Variants in STPG2 observed in about 807,000 individuals in gnomAD.
STPG2 encodes sperm tail PG-rich repeat containing 2, also known as sperm-tail PG-rich repeat-containing protein 2.
A neutral mutation model predicts 54.2 loss-of-function variants in STPG2; 56 were observed. The observed-to-expected ratio is 1.03, with a 90% CI of 0.83 to 1.29. The LOEUF (loss-of-function observed/expected upper bound fraction) is 1.29. STPG2 is among the 50% of genes most tolerant of loss of function. STPG2 has a pLI of 0.00. For missense variants in STPG2, 596 were observed against 544.9 expected (o/e 1.09, Z -0.93); for synonymous variants, 200 against 181.8 (o/e 1.10, Z -0.81).
At chr4:97,503,648 T>C (rs1489956498) in intron 4 of STPG2, among the ~76,000 whole-genome samples, 1 of 151,340 alleles carries the variant, frequency 6.6e-6, no homozygotes, top group Non-Finnish European at 1.5e-5. Context: ...CTATAAATTA[T>C]AATGCAAATA....
intron 4 of STPG2, among the ~76,000 whole-genome samples, chr4:97,504,413 T>C (rs1730802501): frequency 6.6e-6 from 1 of 151,496 alleles, no homozygotes; most frequent in Non-Finnish European, 1.5e-5. Flanking sequence ...TTAAATAAAC[T>C]TTATAGAACT....
At chr4:97,829,345 C>A (rs995955136) in intron 9 of STPG2, among the ~76,000 whole-genome samples, 4 of 152,112 alleles carry the variant, frequency 2.6e-5, no homozygotes, top group Non-Finnish European at 4.4e-5. Context: ...AAAAGGACAT[C>A]TACTCAGAGA....
intron 5 of STPG2, among the ~76,000 whole-genome samples, chr4:98,023,653 A>G (rs1035565320): frequency 2.6e-5 from 4 of 152,280 alleles, no homozygotes; most frequent in South Asian, 2.1e-4. Context: ...AGAGGCAGGC[A>G]GGCCTCCTTG....
intron 7 of STPG2, among the ~76,000 whole-genome samples, chr4:97,964,407 G>C (rs956260242): frequency 6.6e-6 from 1 of 152,130 alleles, no homozygotes; most frequent in Admixed American, 6.5e-5. Flanking sequence ...CCTTAAAAAG[G>C]AGGTGCAAGC....
intron 8 of STPG2, among the ~76,000 whole-genome samples, chr4:97,869,434 G>T (rs1729903851): frequency 6.6e-6 from 1 of 151,600 alleles, no homozygotes; most frequent in Non-Finnish European, 1.5e-5. Context: ...ATATTTTGGT[G>T]CATTTTTAAA....
intron 4 of STPG2, among the ~76,000 whole-genome samples, chr4:97,486,930 A>G (rs1730380553): frequency 6.6e-6 from 1 of 150,610 alleles, no homozygotes; most frequent in South Asian, 2.1e-4. Flanking sequence ...AAAAGAATGA[A>G]TTAACGCATT....
intron 5 of STPG2, among the ~76,000 whole-genome samples, chr4:97,999,589 C>T (rs1263628231): frequency 6.6e-6 from 1 of 152,054 alleles, no homozygotes; most frequent in Non-Finnish European, 1.5e-5. Flanking sequence ...ATTCCAGTTA[C>T]TCGGGAGGCT....
chr4:97,711,449 C>T (rs1031106900), intron 10 of STPG2, among the ~76,000 whole-genome samples: 24 of 152,024 alleles, frequency 1.6e-4, no homozygotes, highest in African/African-American at 4.3e-4. Flanking sequence ...CTTCCACCTT[C>T]GAAAATAGTA....
At chr4:97,559,881 G>A (rs1732179550) in intron 10 of STPG2, among the ~76,000 whole-genome samples, 2 of 152,192 alleles carry the variant, frequency 1.3e-5, no homozygotes, top group East Asian at 1.9e-4. Flanking sequence ...TAAATATATA[G>A]TAAGAGCCTA....
At chr4:97,981,019 T>A in intron 6 of STPG2, 140 bp downstream of exon 6, 1 of 778,458 alleles carries the variant, frequency 1.3e-6, no homozygotes, top group Non-Finnish European at 2.0e-6. Flanking sequence ...GTATAGTGAA[T>A]GCTTTAAAAA....
At chr4:97,773,994 G>GGTGTGTGTGTGTGTGTGT (rs34968031) in intron 9 of STPG2, among the ~76,000 whole-genome samples, 1 of 147,252 alleles carries the variant, frequency 6.8e-6, no homozygotes, top group Non-Finnish European at 1.5e-5. Context: ...TAAAATATAG[G>GGTGTGTGTGTGTGTGTGT]GTGTGTGTGT....
chr4:97,968,054 A>T (rs1303601584), intron 7 of STPG2, among the ~76,000 whole-genome samples: 1 of 152,184 alleles, frequency 6.6e-6, no homozygotes, highest in Non-Finnish European at 1.5e-5. Flanking sequence ...ACCTTCAAAA[A>T]ATCAATGAAT....
chr4:97,840,368 G>A (rs974530242), intron 9 of STPG2, among the ~76,000 whole-genome samples: 1 of 151,272 alleles, frequency 6.6e-6, no homozygotes, highest in South Asian at 2.1e-4. Flanking sequence ...GTAAAATTAA[G>A]AGACATAACC....
intron 5 of STPG2, among the ~76,000 whole-genome samples, chr4:98,061,380 C>T (rs34509663): frequency 0.27 from 41,626 of 151,982 alleles, 5,977 homozygotes; most frequent in Middle Eastern, 0.36. Flanking sequence ...ATCTTCTTCA[C>T]ACTGCAGAGC....
chr4:98,113,726 C>G (rs1415625543), intron 3 of STPG2, among the ~76,000 whole-genome samples: 1 of 151,940 alleles, frequency 6.6e-6, no homozygotes, highest in Non-Finnish European at 1.5e-5. Flanking sequence ...ATTTGATACA[C>G]AATTCCAAAG....
At chr4:98,139,525 G>A (rs1447545834) in intron 1 of STPG2, among the ~76,000 whole-genome samples, 1 of 152,132 alleles carries the variant, frequency 6.6e-6, no homozygotes, top group Non-Finnish European at 1.5e-5. Flanking sequence ...ATAGTCCAAC[G>A]TGTTACTGGT....
chr4:97,679,572 AG>A (rs1182261957), intron 10 of STPG2, among the ~76,000 whole-genome samples: 2 of 151,760 alleles, frequency 1.3e-5, no homozygotes, highest in Non-Finnish European at 2.9e-5. Context: ...CCCATTTTGT[AG>A]GTTGCCTGTT....
intron 3 of STPG2, among the ~76,000 whole-genome samples, chr4:98,121,293 C>A (rs899647895): frequency 2.6e-5 from 4 of 152,102 alleles, no homozygotes; most frequent in African/African-American, 9.7e-5. Flanking sequence ...GTTAATGTAG[C>A]CTTGTAATAT....
At chr4:97,636,411 C>T (rs1721532562) in intron 10 of STPG2, among the ~76,000 whole-genome samples, 1 of 141,040 alleles carries the variant, frequency 7.1e-6, no homozygotes, top group South Asian at 2.5e-4. Context: ...AATTGACACC[C>T]TAACATCACA....
Sources: gnomAD v4.1 joint callset for allele counts (sites outside exome capture counted in the v4.1 genomes callset) on GRCh38, gnomAD v4.1.1 for gene constraint, MANE v1.5 for transcripts, NCBI Gene and HGNC (gene_info 2026-07-23, HGNC 2026-07-21) for gene names.